Variants in XRN2 observed in about 807,000 individuals in gnomAD.
XRN2 encodes DHM1-like protein.
In XRN2, 44 loss-of-function variants were observed where a neutral mutation model predicts 138.5. The ratio of observed to expected loss-of-function variants is 0.32; its 90% CI spans 0.25 to 0.41. The LOEUF is 0.41. Ranked by LOEUF, XRN2 falls within the 10% of genes least tolerant of loss-of-function variation. The pLI, the probability that XRN2 is intolerant of heterozygous loss-of-function variation, is 1.00. For missense variants in XRN2, 937 were observed against 1,169.3 expected (o/e 0.80, Z 2.90); for synonymous variants, 354 against 369.4 (o/e 0.96, Z 0.48).
chr20:21,357,035 A>G (rs2038584079), intron 23 of XRN2, among the ~76,000 whole-genome samples: 1 of 152,232 alleles, frequency 6.6e-6, no homozygotes, highest in Non-Finnish European at 1.5e-5. Context: ...AATAGATACT[A>G]ACCAGATATT....
At chr20:21,346,377 G>A (rs761497205) in intron 16 of XRN2, 38 bp from the exon 17 acceptor site, 2 of 1,611,532 alleles carry the variant, frequency 1.2e-6, no homozygotes, top group Non-Finnish European at 1.7e-6. Flanking sequence ...TACTGAAGGT[G>A]TGTTAATTCA....
At chr20:21,333,407 T>C (rs1198051734) in intron 9 of XRN2, 137 bp from the exon 10 acceptor site, 7 of 883,086 alleles carry the variant, frequency 7.9e-6, no homozygotes, top group South Asian at 1.6e-5. Flanking sequence ...TTAAAATGCA[T>C]TGGTGAGCTT....
Position 21,349,370 on chromosome 20 carries a change from A to T in XRN2, c.1864-19A>T. 6.7e-7 allele frequency: 1 copy of T among 1,498,318 alleles called. No homozygotes were observed. Among genetic ancestry groups the T allele is most frequent in the Non-Finnish European group, 9.3e-7 (1 of 1,078,712 alleles). The allele number at this position is 1,498,318 out of a possible 1,614,324, so 92.8% of individuals were successfully genotyped here. A position where few individuals can be genotyped will look rare whatever the true frequency, so the allele number is the denominator to read the frequency against. ...TGTGTGACTTCTGTTTTGATTCTTT[A>T]CTTTTCTCCCTAATATAGGATTCTA... On this transcript the variant is annotated intron_variant, in intron 19 of 29. Transcript: ENST00000377191.
At chr20:21,326,445 A>G in intron 2 of XRN2, 39 bp downstream of exon 2, 6 of 1,613,686 alleles carry the variant, frequency 3.7e-6, no homozygotes, top group Non-Finnish European at 4.2e-6. Flanking sequence ...AGCAAATCAC[A>G]GAGGAAACAT....
At chr20:21,380,298 C>T (rs1047400552) in intron 27 of XRN2, among the ~76,000 whole-genome samples, 2 of 152,166 alleles carry the variant, frequency 1.3e-5, no homozygotes, top group Non-Finnish European at 2.9e-5. Context: ...TAATTTTGTA[C>T]ATGAGCTGAA....
At chr20:21,323,152 C>T (rs1366820185) in intron 1 of XRN2, among the ~76,000 whole-genome samples, 1 of 152,236 alleles carries the variant, frequency 6.6e-6, no homozygotes, top group East Asian at 1.9e-4. Flanking sequence ...GTTAGCCCAC[C>T]TTTGGCAGCA....
Position 21,333,723 on chromosome 20 carries a change from C to A in XRN2, c.953C>A (p.Thr318Lys), listed in dbSNP as rs764316382. The change falls in exon 11 of 30, where the codon ACA becomes AAA. Residue 318 changes from threonine (T) to lysine (K), a missense_variant. Thr to Lys is a moderately conservative substitution (Grantham distance 78, BLOSUM62 -1). Around this residue, in one of 6 missense-constraint regions of XRN2, gnomAD observed 471 missense variants for 581.2 expected, o/e 0.81. Coordinates refer to ENST00000377191, the MANE Select transcript of XRN2 (RefSeq NM_012255.5). The part of the protein sequence containing the change: ...VLREYLEREL[T>K]MASLPFTFDV... ...TTGTAGTATTTGGAAAGAGAACTCA[C>A]AATGGCCAGCCTACCATTCACATTT... is the stretch of plus-strand genomic sequence containing the variant. 7.4e-6 allele frequency: 12 copies of A among 1,613,982 alleles called. No individual in the cohort carries two copies. The highest frequency in any genetic ancestry group is 1.0e-5 in the Non-Finnish European group (12 of 1,179,998).
At chr20:21,384,261 C>T (rs866062097) in intron 28 of XRN2, among the ~76,000 whole-genome samples, 1 of 152,120 alleles carries the variant, frequency 6.6e-6, no homozygotes, top group Non-Finnish European at 1.5e-5. Flanking sequence ...GCCTCTTTTT[C>T]AGTCATTTGC....
At chr20:21,324,228 G>A (rs539196969) in intron 1 of XRN2, among the ~76,000 whole-genome samples, 2 of 151,714 alleles carry the variant, frequency 1.3e-5, no homozygotes, top group Non-Finnish European at 2.9e-5. Flanking sequence ...TTGATTCACA[G>A]CATGTATGTA....
At chr20:21,317,837 C>T (rs913931685) in intron 1 of XRN2, among the ~76,000 whole-genome samples, 38 of 152,054 alleles carry the variant, frequency 2.5e-4, no homozygotes, top group African/African-American at 7.5e-4. Flanking sequence ...TTGACAGATA[C>T]GGAGGGCTGA....
chr20:21,322,508 C>T (rs1483804293), intron 1 of XRN2, among the ~76,000 whole-genome samples: 1 of 152,038 alleles, frequency 6.6e-6, no homozygotes, highest in African/African-American at 2.4e-5. Context: ...CTCCTGTTGC[C>T]CTGGAACCTC....
At chr20:21,350,555 A>G (rs1221460055) in intron 20 of XRN2, among the ~76,000 whole-genome samples, 7 of 141,236 alleles carry the variant, frequency 5.0e-5, no homozygotes, top group Admixed American at 4.3e-4. Context: ...AAAAAAAAAG[A>G]AATATCTCTT....
At chr20:21,348,119 T>C in intron 17 of XRN2, 27 bp from the exon 18 acceptor site, 1 of 1,574,418 alleles carries the variant, frequency 6.4e-7, no homozygotes, top group Admixed American at 2.0e-5. Context: ...GTTTTTGATT[T>C]TGTTGTTACT....
intron 1 of XRN2, among the ~76,000 whole-genome samples, chr20:21,318,300 TCTTCC>T (rs2037988530): frequency 6.6e-6 from 1 of 152,124 alleles, no homozygotes; most frequent in Non-Finnish European, 1.5e-5. Context: ...GTAACTTGAG[TCTTCC>T]CTCTTTTTTC....
At chr20:21,331,957 T>A in intron 8 of XRN2, 139 bp downstream of exon 8, 1 of 919,522 alleles carries the variant, frequency 1.1e-6, no homozygotes, top group Non-Finnish European at 1.7e-6. Context: ...AGGGAACTAG[T>A]ATTGAGTTGC....
chr20:21,364,652 C>T (rs2038674245), intron 24 of XRN2, among the ~76,000 whole-genome samples: 1 of 151,918 alleles, frequency 6.6e-6, no homozygotes, highest in Non-Finnish European at 1.5e-5. Context: ...ACAAAAAATA[C>T]AAAAATTAGC....
chr20:21,365,920 A>T (rs2038692180), intron 26 of XRN2, among the ~76,000 whole-genome samples: 1 of 92,080 alleles, frequency 1.1e-5, no homozygotes, highest in African/African-American at 4.2e-5. Context: ...TATATAATAT[A>T]ATATATATAT....
intron 1 of XRN2, among the ~76,000 whole-genome samples, chr20:21,322,300 A>G (rs141274148): frequency 6.6e-6 from 1 of 152,242 alleles, no homozygotes; most frequent in South Asian, 2.1e-4. Flanking sequence ...CTAATCACCC[A>G]TAAGTGTTAA....
chr20:21,367,244 A>G (rs975447698), intron 26 of XRN2, among the ~76,000 whole-genome samples: 11 of 152,192 alleles, frequency 7.2e-5, no homozygotes, highest in African/African-American at 1.9e-4. Context: ...AGAAGATACT[A>G]TAGAGAGAGG....
Sources: gnomAD v4.1 joint callset for allele counts (sites outside exome capture counted in the v4.1 genomes callset) on GRCh38, gnomAD v4.1.1 for gene constraint, gnomAD v4.1.1 regional missense constraint, MANE v1.5 for transcripts, NCBI Gene and HGNC (gene_info 2026-07-23, HGNC 2026-07-21) for gene names.